PCDH15: variants seen among roughly 807,000 people sequenced by gnomAD.
PCDH15 encodes protocadherin related 15.
Under a neutral mutation model 178.5 loss-of-function variants are expected in PCDH15, and 129 were observed. The ratio of observed to expected loss-of-function variants is 0.72; its 90% CI spans 0.63 to 0.84. PCDH15 has a LOEUF of 0.84. PCDH15 is among the 40% of genes least tolerant of loss of function. PCDH15 has a pLI of 0.00. For missense variants in PCDH15, 2,230 were observed against 2,099.9 expected (o/e 1.06, Z -1.21); for synonymous variants, 800 against 732.0 (o/e 1.09, Z -1.50).
At position 54,893,269 on chromosome 10, in the gene PCDH15, A is replaced by G. The variant is rs1321511970; in HGVS notation, c.-29+4181T>C. Reference sequence around the variant, plus strand: ...ACCAAAAATGATAATTAATACCCAGATTTAAAAAAATATGAAATATGTATT... The same window carrying G: ...ACCAAAAATGATAATTAATACCCAGGTTTAAAAAAATATGAAATATGTATT... On this transcript the variant is annotated intron_variant, in intron 3 of 5. Coordinates refer to the PCDH15 transcript ENST00000458638. Among the ~76,000 whole-genome samples the G allele has an allele frequency of 2.0e-5, 3 of 152,136 alleles. No homozygotes were observed. In the East Asian group the frequency reaches 5.8e-4, roughly 29 times the overall value.
intron 30 of PCDH15, among the ~76,000 whole-genome samples, chr10:53,829,950 T>G (rs1020612237): frequency 1.3e-5 from 2 of 152,198 alleles, no homozygotes; most frequent in African/African-American, 4.8e-5. Flanking sequence ...TTACCTTACC[T>G]TATTCAATTC....
chr10:54,125,211 G>A (rs12254237), intron 15 of PCDH15, among the ~76,000 whole-genome samples: 4,473 of 151,618 alleles, frequency 0.03, 237 homozygotes, highest in African/African-American at 0.1. Flanking sequence ...TCTGTTTCTC[G>A]TCATTTTCTA....
intron 3 of PCDH15, among the ~76,000 whole-genome samples, chr10:54,507,721 T>C (rs948627542): frequency 1.3e-5 from 2 of 151,994 alleles, no homozygotes; most frequent in African/African-American, 4.8e-5. Flanking sequence ...TAAGCAAGTA[T>C]AAGTCAAGAT....
chr10:54,989,593 T>C lies in PCDH15; in HGVS notation c.-79-92093A>G, dbSNP rs181425496. Among the ~76,000 whole-genome samples, 237 of 152,322 alleles carry C rather than the reference T, an allele frequency of 1.6e-3. 1 individual carries two copies. The highest frequency in any genetic ancestry group is 5.5e-3 in the African/African-American group (229 of 41,568). On this transcript the variant is annotated intron_variant, in intron 2 of 5. Coordinates refer to the PCDH15 transcript ENST00000458638. Reference sequence around the variant, plus strand: ...TCCCCTGCTGGATTTTGGACTTGCATGGGGCCTGTAGCCCCTTTGTTTTGG... The same window carrying C: ...TCCCCTGCTGGATTTTGGACTTGCACGGGGCCTGTAGCCCCTTTGTTTTGG...
intron 4 of PCDH15, among the ~76,000 whole-genome samples, chr10:54,371,491 T>G (rs182059781): frequency 3.7e-4 from 57 of 152,020 alleles, no homozygotes; most frequent in Non-Finnish European, 1.0e-4. Flanking sequence ...ATTTGTCAAA[T>G]ATCTAAATGG....
At chr10:54,733,000 C>T (rs76976455) in intron 1 of PCDH15, among the ~76,000 whole-genome samples, 27 of 151,614 alleles carry the variant, frequency 1.8e-4, no homozygotes, top group African/African-American at 6.0e-4. Context: ...TTTCAGTAAA[C>T]TATAAGTACT....
At chr10:55,107,290 GCTGGTTGATTA>G (rs1837373500) in intron 2 of PCDH15, among the ~76,000 whole-genome samples, 1 of 152,106 alleles carries the variant, frequency 6.6e-6, no homozygotes, top group Non-Finnish European at 1.5e-5. Context: ...GCAGTCTGCT[GCTGGTTGATTA>G]CATGGCATCA....
At chr10:54,852,863 A>C (rs1261216403) in intron 3 of PCDH15, among the ~76,000 whole-genome samples, 3 of 150,288 alleles carry the variant, frequency 2.0e-5, no homozygotes, top group Non-Finnish European at 4.4e-5. Flanking sequence ...AAAAAAATAA[A>C]ATAAAATAAA....
intron 2 of PCDH15, among the ~76,000 whole-genome samples, chr10:55,506,942 T>C (rs981148356): frequency 5.9e-5 from 9 of 151,524 alleles, no homozygotes; most frequent in Non-Finnish European, 1.2e-4. Context: ...ACTTTAAAGA[T>C]TAACACATGA....
At chr10:55,619,608 G>C (rs949543395) in intron 2 of PCDH15, among the ~76,000 whole-genome samples, 4 of 151,868 alleles carry the variant, frequency 2.6e-5, no homozygotes, top group African/African-American at 9.7e-5. Context: ...AATCAAATTA[G>C]TTAATAAATG....
intron 2 of PCDH15, among the ~76,000 whole-genome samples, chr10:54,531,310 A>G (rs1156346817): frequency 6.6e-6 from 1 of 152,180 alleles, no homozygotes; most frequent in Admixed American, 6.6e-5. Flanking sequence ...GGATATGAAT[A>G]CCAATAACTG....
intron 2 of PCDH15, among the ~76,000 whole-genome samples, chr10:55,427,092 G>A (rs1384851539): frequency 6.6e-6 from 1 of 152,006 alleles, no homozygotes; most frequent in Non-Finnish European, 1.5e-5. Context: ...ATTGAGGGTG[G>A]GCCCTCGCCA....
In PCDH15 at chr10:55,177,674, T is replaced by A. The variant is rs185065205; in HGVS notation, c.-155-11023A>T. Among the ~76,000 whole-genome samples, 26 of 152,272 alleles carry A rather than the reference T, an allele frequency of 1.7e-4. 1 individual carries two copies. The East Asian group carries it at 4.1e-3, about 24-fold the overall frequency. On this transcript the variant is annotated intron_variant, in intron 1 of 5. Transcript: ENST00000458638. ...TAACATACAACCATCTCCTCAAATA[T>A]CAAGCTCTGCTATTGGAGGGATCTA...
intron 21 of PCDH15, among the ~76,000 whole-genome samples, chr10:53,981,928 A>T (rs1043605883): frequency 6.6e-6 from 1 of 151,712 alleles, no homozygotes; most frequent in African/African-American, 2.4e-5. Flanking sequence ...CATCTGACAA[A>T]GGGCTAATAT....
At chr10:55,298,831 G>T (rs1843200534) in intron 1 of PCDH15, among the ~76,000 whole-genome samples, 1 of 152,020 alleles carries the variant, frequency 6.6e-6, no homozygotes, top group African/African-American at 2.4e-5. Context: ...GCCCACCTTG[G>T]CCTCCCAAAG....
At chr10:54,118,659 C>A (rs1237009103) in intron 15 of PCDH15, among the ~76,000 whole-genome samples, 1 of 150,964 alleles carries the variant, frequency 6.6e-6, no homozygotes, top group Non-Finnish European at 1.5e-5. Context: ...GACTCTGTGT[C>A]AAAAATAAAT....
At chr10:55,178,971 T>G (rs1839567472) in intron 1 of PCDH15, among the ~76,000 whole-genome samples, 1 of 152,206 alleles carries the variant, frequency 6.6e-6, no homozygotes, top group East Asian at 1.9e-4. Context: ...GTTTTCAGAA[T>G]GATTAGTCTA....
chr10:54,598,944 A>G (rs559667355), intron 2 of PCDH15, among the ~76,000 whole-genome samples: 1 of 152,270 alleles, frequency 6.6e-6, no homozygotes, highest in African/African-American at 2.4e-5. Flanking sequence ...TACAATGAGA[A>G]CTATAAAACA....
In PCDH15 at chr10:54,585,218, A is replaced by T. The variant is rs1227851813; in HGVS notation, c.92-57341T>A. Among the ~76,000 whole-genome samples, 4 of 152,048 alleles carry T rather than the reference A, an allele frequency of 2.6e-5. No homozygotes were observed. In the East Asian group the frequency reaches 5.8e-4, roughly 22 times the overall value. ...ACCATCCAGTGCACAATTCAAATAT[A>T]AGCTGAACAACCTTAATTGGAATAT... On this transcript the variant is annotated intron_variant, in intron 2 of 37. Coordinates refer to ENST00000644397, the MANE Select transcript of PCDH15 (RefSeq NM_001384140.1).
Sources: allele counts gnomAD v4.1 joint callset (sites outside exome capture counted in the v4.1 genomes callset), GRCh38; gene constraint gnomAD v4.1.1; transcripts MANE v1.5; gene names NCBI Gene and HGNC (gene_info 2026-07-23, HGNC 2026-07-21).